Variants in BCL6 observed in about 807,000 individuals in gnomAD.
BCL6 encodes the protein BCL6 transcription repressor.
In BCL6, 7 loss-of-function variants were observed where a neutral mutation model predicts 59.5. The ratio of observed to expected loss-of-function variants is 0.12; its 90% CI spans 0.07 to 0.22. BCL6 has a LOEUF of 0.22. BCL6 is among the 10% of genes least tolerant of loss of function. The pLI is 1.00. For synonymous variants in BCL6, 339 were observed against 349.7 expected, an observed-to-expected ratio of 0.97 and a Z score of 0.34; for missense variants, 685 against 939.4, an observed-to-expected ratio of 0.73 and a Z score of 3.54.
At chr3:187,745,048 T>G (rs545738314) in intron 1 of BCL6, among the ~76,000 whole-genome samples, 1 of 150,960 alleles carries the variant, frequency 6.6e-6, no homozygotes, top group Admixed American at 6.6e-5. Context: ...TCCACCTCCT[T>G]TCCAAAAACC....
rs1222436951 is a variant in BCL6, at chr3:187,731,735, G to A, written c.357C>T (p.Asp119=). The change falls in exon 4 of 10, where the codon GAC becomes GAT. Residue 119 remains aspartate, a synonymous_variant. Coordinates refer to ENST00000406870, the MANE Select transcript of BCL6 (RefSeq NM_001706.5). ...AMYLQMEHVV[D]TCRKFIKASE... is the part of the protein sequence containing the mutation. ...TGGCCTTAATAAACTTCCGGCAAGT[G>A]TCCACAACATGCTCCATCTGCAGGT... 7 of 1,614,150 alleles carry A rather than the reference G, an allele frequency of 4.3e-6. No individual in the cohort carries two copies. Among genetic ancestry groups the A allele is most frequent in the Non-Finnish European group, 5.9e-6 (7 of 1,180,044 alleles).
At chr3:187,743,999 T>A (rs1258713203) in intron 1 of BCL6, among the ~76,000 whole-genome samples, 1 of 152,220 alleles carries the variant, frequency 6.6e-6, no homozygotes, top group African/African-American at 2.4e-5. Context: ...GTCTTGCACA[T>A]AAGGAACGCG....
rs747683215 is a variant in BCL6, at chr3:187,729,149, T to A, written c.1256A>T (p.Glu419Val). Residue 419 changes from glutamate (E) to valine (V), a missense_variant, in exon 5 of 10, where the codon GAG becomes GTG. By Grantham distance (121) the Glu-to-Val change is moderately radical. Coordinates refer to ENST00000406870, the MANE Select transcript of BCL6 (RefSeq NM_001706.5). This position sits in a 1 kb window ranked among gnomAD's most constrained non-coding sequence, Gnocchi z 5.6. The stretch of plus-strand genomic sequence containing the variant: ...GGACTGGAGGTCAAGGTTCTCAGGC[T>A]CCATGGGTGGCTGGCAGGCAGGTGG... ...TAPPACQPPM[E>V]PENLDLQSPT... 20 of 1,606,700 alleles carry A rather than the reference T, an allele frequency of 1.2e-5. No homozygotes were observed. The East Asian group carries it at 4.5e-4, about 36-fold the overall frequency.
intron 1 of BCL6, among the ~76,000 whole-genome samples, chr3:187,743,830 C>T (rs1298996182): frequency 6.6e-6 from 1 of 150,734 alleles, no homozygotes; most frequent in African/African-American, 2.4e-5. Flanking sequence ...TTCCCCCATT[C>T]TTACTCCCTC....
intron 1 of BCL6, among the ~76,000 whole-genome samples, chr3:187,739,603 A>G (rs1446871560): frequency 2.0e-5 from 3 of 152,214 alleles, no homozygotes; most frequent in African/African-American, 4.8e-5. Context: ...GCAAGCTTCT[A>G]GGAAATGCAA....
At chr3:187,738,297 AG>A (rs1390652184) in intron 1 of BCL6, among the ~76,000 whole-genome samples, 4 of 152,030 alleles carry the variant, frequency 2.6e-5, no homozygotes, top group Non-Finnish European at 5.9e-5. Context: ...CGAGACTTCA[AG>A]GTCAAAAGAT....
At chr3:187,739,875 G>A (rs549060211) in intron 1 of BCL6, among the ~76,000 whole-genome samples, 66 of 152,330 alleles carry the variant, frequency 4.3e-4, no homozygotes, top group Non-Finnish European at 9.0e-4. Context: ...AGTCAGCCAA[G>A]GTCCTTATTC....
intron 4 of BCL6, 128 bp downstream of exon 4, chr3:187,731,581 C>G: frequency 1.1e-6 from 1 of 907,828 alleles, no homozygotes; most frequent in Non-Finnish European, 1.7e-6. Flanking sequence ...AAGTGTGCAA[C>G]AAGAGTGGAA....
chr3:187,730,751 G>T (rs1168809029), intron 4 of BCL6, among the ~76,000 whole-genome samples: 1 of 152,196 alleles, frequency 6.6e-6, no homozygotes, highest in Non-Finnish European at 1.5e-5. Context: ...ATCACTCACA[G>T]GAGACAAAGA....
intron 1 of BCL6, among the ~76,000 whole-genome samples, chr3:187,742,626 A>G (rs182933427): frequency 5.9e-5 from 9 of 152,120 alleles, no homozygotes; most frequent in Admixed American, 3.3e-4. Flanking sequence ...AGGATACTGG[A>G]AACTTCTATT....
chr3:187,737,146 C>T (rs1015720048), intron 1 of BCL6: 2 of 152,302 alleles, frequency 1.3e-5, no homozygotes, highest in Admixed American at 6.5e-5. Flanking sequence ...CTCCCCGCAC[C>T]CACGCTGGGT....
intron 6 of BCL6, 101 bp downstream of exon 6, chr3:187,728,259 T>C: frequency 8.0e-7 from 1 of 1,245,410 alleles, no homozygotes. Flanking sequence ...TGAGGACTGC[T>C]CCAATCAGAG....
At chr3:187,742,560 A>G (rs1008658545) in intron 1 of BCL6, among the ~76,000 whole-genome samples, 1 of 152,210 alleles carries the variant, frequency 6.6e-6, no homozygotes, top group African/African-American at 2.4e-5. Flanking sequence ...GTCACTATCA[A>G]CAACCCTTAA....
intron 1 of BCL6, among the ~76,000 whole-genome samples, chr3:187,735,261 G>A (rs1415197335): frequency 6.6e-6 from 1 of 152,232 alleles, no homozygotes; most frequent in Non-Finnish European, 1.5e-5. Flanking sequence ...AAATGGTTCT[G>A]TCAACATTAA....
chr3:187,724,135 G>A (rs1347343687), intron 9 of BCL6, among the ~76,000 whole-genome samples: 1 of 152,106 alleles, frequency 6.6e-6, no homozygotes, highest in African/African-American at 2.4e-5. Context: ...ATTACTTCTT[G>A]TCCCCATCAC....
intron 1 of BCL6, among the ~76,000 whole-genome samples, chr3:187,743,492 A>C (rs2108481915): frequency 6.6e-6 from 1 of 151,112 alleles, no homozygotes; most frequent in Admixed American, 6.6e-5. Context: ...CAACACAACC[A>C]TCGTAGAAGG....
At chr3:187,738,229 T>G (rs1719382348) in intron 1 of BCL6, among the ~76,000 whole-genome samples, 1 of 152,204 alleles carries the variant, frequency 6.6e-6, no homozygotes, top group Non-Finnish European at 1.5e-5. Context: ...ATTTGCTTTT[T>G]TCCCTCTTTT....
chr3:187,744,688 C>T (rs144752167), intron 1 of BCL6, among the ~76,000 whole-genome samples: 3 of 152,168 alleles, frequency 2.0e-5, no homozygotes, highest in East Asian at 1.9e-4. Context: ...AGAGAGCCAG[C>T]GGGGCGAGCG....
chr3:187,744,055 C>T (rs919426748), intron 1 of BCL6, among the ~76,000 whole-genome samples: 3 of 152,080 alleles, frequency 2.0e-5, no homozygotes, highest in Non-Finnish European at 2.9e-5. Flanking sequence ...GTAAGGACCT[C>T]GGGAATCTGA....
Sources: allele counts gnomAD v4.1 joint callset (sites outside exome capture counted in the v4.1 genomes callset), GRCh38; gene constraint gnomAD v4.1.1; non-coding constraint Gnocchi (gnomAD v3.1); transcripts MANE v1.5; gene names NCBI Gene and HGNC (gene_info 2026-07-23, HGNC 2026-07-21).